GALNTL6: variants seen among roughly 807,000 people sequenced by gnomAD.
GALNTL6 encodes the protein polypeptide N-acetylgalactosaminyltransferase-like 6.
A neutral mutation model predicts 73.7 loss-of-function variants in GALNTL6; 46 were observed. The observed-to-expected ratio is 0.62, with a 90% CI of 0.49 to 0.80. GALNTL6 has a LOEUF of 0.80. Among genes scored for constraint, GALNTL6 ranks in the 30% least tolerant of loss-of-function variants. The pLI, the probability that GALNTL6 is intolerant of heterozygous loss-of-function variation, is 0.00. For missense variants in GALNTL6, 604 were observed against 755.0 expected (o/e 0.80, Z 2.34); for synonymous variants, 259 against 263.7 (o/e 0.98, Z 0.17).
intron 2 of GALNTL6, among the ~76,000 whole-genome samples, chr4:172,061,235 T>A (rs1011910151): frequency 1.3e-5 from 2 of 152,050 alleles, no homozygotes; most frequent in African/African-American, 4.8e-5. Flanking sequence ...CCCTTCATCC[T>A]TTTCACCTCC....
intron 5 of GALNTL6, among the ~76,000 whole-genome samples, chr4:172,779,620 C>G (rs1331994116): frequency 6.6e-6 from 1 of 152,178 alleles, no homozygotes; most frequent in Non-Finnish European, 1.5e-5. Context: ...TTGTTTCCAT[C>G]ACTGAAGAAA....
chr4:172,151,018 T>C (rs1579186970), intron 2 of GALNTL6, among the ~76,000 whole-genome samples: 1 of 152,186 alleles, frequency 6.6e-6, no homozygotes, highest in Non-Finnish European at 1.5e-5. Flanking sequence ...ACTGGACCCA[T>C]TATTTAACTT....
chr4:172,214,021 A>T (rs1736414456), intron 2 of GALNTL6, among the ~76,000 whole-genome samples: 1 of 152,200 alleles, frequency 6.6e-6, no homozygotes, highest in Admixed American at 6.5e-5. Flanking sequence ...TGCTGCATGT[A>T]TTAATGTAAC....
At chr4:172,162,474 G>A (rs1365683639) in intron 2 of GALNTL6, among the ~76,000 whole-genome samples, 1 of 151,524 alleles carries the variant, frequency 6.6e-6, no homozygotes, top group Admixed American at 6.6e-5. Context: ...AATAAAAGAG[G>A]GGACATTTAT....
intron 3 of GALNTL6, among the ~76,000 whole-genome samples, chr4:172,304,078 GT>G (rs5864127): frequency 0.79 from 120,661 of 151,930 alleles, 48,392 homozygotes; most frequent in Admixed American, 0.86. Context: ...AATATTCTGG[GT>G]TTTTTTTCTC....
intron 11 of GALNTL6, among the ~76,000 whole-genome samples, chr4:173,016,340 C>T (rs1752781483): frequency 6.6e-6 from 1 of 152,204 alleles, no homozygotes; most frequent in Non-Finnish European, 1.5e-5. Context: ...TGACAGCTTG[C>T]ACCATGCACC....
intron 5 of GALNTL6, among the ~76,000 whole-genome samples, chr4:172,369,221 C>T (rs1214206960): frequency 6.6e-6 from 1 of 152,082 alleles, no homozygotes; most frequent in Non-Finnish European, 1.5e-5. Context: ...AGAGTGCTGA[C>T]TGGTGCATTT....
At chr4:172,880,059 A>C (rs998071008) in intron 7 of GALNTL6, among the ~76,000 whole-genome samples, 1 of 152,132 alleles carries the variant, frequency 6.6e-6, no homozygotes, top group Non-Finnish European at 1.5e-5. Context: ...GCTTCCAGGA[A>C]TAGAAAATGG....
intron 2 of GALNTL6, among the ~76,000 whole-genome samples, chr4:171,991,181 AC>A (rs1316548722): frequency 2.6e-5 from 4 of 152,336 alleles, no homozygotes; most frequent in Non-Finnish European, 4.4e-5. Context: ...ACAACAAAAG[AC>A]ATTGGATAGT....
At chr4:171,884,518 A>C (rs1736553008) in intron 2 of GALNTL6, among the ~76,000 whole-genome samples, 2 of 151,738 alleles carry the variant, frequency 1.3e-5, no homozygotes, top group South Asian at 4.1e-4. Flanking sequence ...CTTAAATTTA[A>C]GATATATACA....
chr4:172,465,672 G>C (rs1389056863), intron 5 of GALNTL6, among the ~76,000 whole-genome samples: 3 of 151,982 alleles, frequency 2.0e-5, no homozygotes, highest in Admixed American at 6.6e-5. Context: ...ATATATTTCT[G>C]ATCAAAACTT....
At chr4:172,743,179 C>A (rs867204112) in intron 5 of GALNTL6, among the ~76,000 whole-genome samples, 21 of 152,124 alleles carry the variant, frequency 1.4e-4, no homozygotes, top group Middle Eastern at 6.8e-3. Flanking sequence ...TTCCATACAG[C>A]ATTCTTACAT....
chr4:172,004,819 T>G (rs1416450443), intron 2 of GALNTL6, among the ~76,000 whole-genome samples: 1 of 151,974 alleles, frequency 6.6e-6, no homozygotes. Context: ...ATCACTCTCT[T>G]TCTAATCCCC....
intron 3 of GALNTL6, among the ~76,000 whole-genome samples, chr4:172,236,335 G>A (rs556159713): frequency 7.8e-4 from 118 of 152,182 alleles, no homozygotes; most frequent in Non-Finnish European, 1.5e-3. Flanking sequence ...CGAGGCAGGC[G>A]GATCACGAGG....
At chr4:172,016,562 T>C (rs1160334110) in intron 2 of GALNTL6, among the ~76,000 whole-genome samples, 2 of 152,108 alleles carry the variant, frequency 1.3e-5, no homozygotes, top group East Asian at 3.9e-4. Context: ...TCTGAATTAT[T>C]TATCTGGCAA....
chr4:172,299,622 T>C (rs192082946), intron 3 of GALNTL6, among the ~76,000 whole-genome samples: 121 of 152,364 alleles, frequency 7.9e-4, no homozygotes, highest in Non-Finnish European at 5.0e-4. Context: ...CATTTCGTTA[T>C]GTACCCAGTG....
At chr4:172,210,118 A>G (rs1463299567) in intron 2 of GALNTL6, among the ~76,000 whole-genome samples, 3 of 152,098 alleles carry the variant, frequency 2.0e-5, no homozygotes, top group African/African-American at 7.2e-5. Context: ...AAGTGTAACT[A>G]TTGTTAAAAC....
intron 5 of GALNTL6, among the ~76,000 whole-genome samples, chr4:172,455,535 C>G (rs966779190): frequency 4.6e-5 from 7 of 152,156 alleles, no homozygotes; most frequent in African/African-American, 1.7e-4. Flanking sequence ...AAGGCGTCCA[C>G]CATTACTGAG....
At chr4:172,527,763 T>G (rs908954628) in intron 5 of GALNTL6, among the ~76,000 whole-genome samples, 1 of 152,180 alleles carries the variant, frequency 6.6e-6, no homozygotes, top group Admixed American at 6.6e-5. Context: ...TTCCTTTAAC[T>G]TATCCCTTTT....
Sources: allele counts gnomAD v4.1 joint callset (sites outside exome capture counted in the v4.1 genomes callset), GRCh38; gene constraint gnomAD v4.1.1; transcripts MANE v1.5; gene names NCBI Gene and HGNC (gene_info 2026-07-23, HGNC 2026-07-21).